The following PITPNA variants were observed in gnomAD, a reference collection of about 807,000 sequenced individuals.
PITPNA encodes the protein phosphatidylinositol transfer protein alpha, also known as phosphatidylinositol transfer protein alpha isoform.
A neutral mutation model predicts 50.3 loss-of-function variants in PITPNA; 13 were observed. The observed-to-expected ratio is 0.26, with a 90% CI of 0.17 to 0.41. The LOEUF (loss-of-function observed/expected upper bound fraction) is 0.41. Ranked by LOEUF, PITPNA falls within the 10% of genes least tolerant of loss-of-function variation. The pLI is 1.00. For synonymous variants in PITPNA, 120 were observed against 119.6 expected (o/e 1.00, Z -0.02); for missense variants, 207 against 333.4 (o/e 0.62, Z 2.95).
intron 7 of PITPNA, among the ~76,000 whole-genome samples, chr17:1,536,525 G>C (rs942415410): frequency 6.6e-6 from 1 of 151,640 alleles, no homozygotes; most frequent in Non-Finnish European, 1.5e-5. Flanking sequence ...TCCTGACCTC[G>C]TGATCCGCCC....
intron 4 of PITPNA, among the ~76,000 whole-genome samples, chr17:1,545,841 A>G (rs547321141): frequency 1.7e-4 from 25 of 150,430 alleles, no homozygotes; most frequent in African/African-American, 6.1e-4. Context: ...ACACATGCTC[A>G]CTGCGACTCT....
chr17:1,559,677 A>G (rs917090065), intron 1 of PITPNA: 1 of 668,434 alleles, frequency 1.5e-6, no homozygotes, highest in Admixed American at 6.3e-5. Context: ...GCTCCAGGCT[A>G]GTAAACAGCT....
chr17:1,560,797 C>T (rs1377062797), intron 1 of PITPNA, among the ~76,000 whole-genome samples: 1 of 152,210 alleles, frequency 6.6e-6, no homozygotes, highest in African/African-American at 2.4e-5. Context: ...CGAGCCCTGG[C>T]TGAATTAACA....
rs535200110 is a variant in PITPNA at position 1,541,690 on chromosome 17, A to G, written c.298-50T>C. 3.7e-4 allele frequency: 440 copies of G among 1,185,750 alleles called. 13 individuals carry two copies. In the South Asian group the frequency reaches 5.4e-3, roughly 15 times the overall value. 73.5% of individuals were successfully genotyped at this position (1,185,750 alleles called of 1,614,324 possible). ...GAAAGTCACTAGGTTCACAGTTGAG[A>G]GTAACCATCTCCCATTACTGGAGAT... On this transcript the variant is annotated intron_variant, in intron 5 of 11. Transcript: ENST00000313486.
intron 9 of PITPNA, among the ~76,000 whole-genome samples, chr17:1,534,732 G>GA (rs2075604394): frequency 6.6e-6 from 1 of 152,204 alleles, no homozygotes; most frequent in African/African-American, 2.4e-5. Context: ...TGCAAGAAAA[G>GA]AAAGACTGAG....
intron 10 of PITPNA, among the ~76,000 whole-genome samples, chr17:1,525,647 T>C (rs2075543320): frequency 6.6e-6 from 1 of 151,668 alleles, no homozygotes; most frequent in Non-Finnish European, 1.5e-5. Context: ...AACTCCCGAG[T>C]AGCTGGGATT....
chr17:1,562,513 C>A lies in PITPNA; in HGVS notation c.20+28G>T. On this transcript the variant is annotated intron_variant, in intron 1 of 11. Coordinates refer to ENST00000313486, the MANE Select transcript of PITPNA (RefSeq NM_006224.4). This position sits in a 1 kb window ranked among gnomAD's most constrained non-coding sequence, Gnocchi z 6.4. ...GGCCGTCCCCACCCTCCCTCCTCCC[C>A]GCTTCCGCACGGCCGCCGGACACTC... 2 of 1,429,762 alleles carry A rather than the reference C, an allele frequency of 1.4e-6. No homozygotes were observed. Among genetic ancestry groups the A allele is most frequent in the South Asian group, 1.4e-5 (1 of 70,718 alleles). The allele number at this position is 1,429,762 out of a possible 1,614,324, so 88.6% of individuals were successfully genotyped here. A position where few individuals can be genotyped will look rare whatever the true frequency, so the allele number is the denominator to read the frequency against.
rs1011164313 is a variant in PITPNA at position 1,562,112 on chromosome 17, AC to A, written c.20+428del. Among the ~76,000 whole-genome samples, 97 of 150,884 alleles carry A rather than the reference AC, an allele frequency of 6.4e-4. 1 individual carries two copies. Among genetic ancestry groups the A allele is most frequent in the Non-Finnish European group, 5.9e-5 (4 of 67,646 alleles). ...TCCCGGGCCAGCTCTCCCTGCCCTG[AC>A]CCCGTCTCGGGCCTGGCCTCGCCCT... On this transcript the variant is annotated intron_variant, in intron 1 of 11. Coordinates refer to ENST00000313486, the MANE Select transcript of PITPNA (RefSeq NM_006224.4). This position sits in a 1 kb window ranked among gnomAD's most constrained non-coding sequence, Gnocchi z 6.4.
At chr17:1,538,767 A>C in intron 7 of PITPNA, 102 bp downstream of exon 7, 1 of 685,808 alleles carries the variant, frequency 1.5e-6, no homozygotes. Flanking sequence ...ACACATCAGA[A>C]TTTCCTTTTG....
intron 1 of PITPNA, among the ~76,000 whole-genome samples, chr17:1,560,723 T>A (rs2075763899): frequency 6.6e-6 from 1 of 152,166 alleles, no homozygotes; most frequent in Non-Finnish European, 1.5e-5. Flanking sequence ...AAGATTAAAA[T>A]CTAAAGTGCA....
chr17:1,551,835 C>T lies in PITPNA; in HGVS notation c.197+1169G>A, dbSNP rs556211760. On this transcript the variant is annotated intron_variant, in intron 3 of 11. Coordinates refer to ENST00000313486, the MANE Select transcript of PITPNA (RefSeq NM_006224.4). ...CCCCGCTGGACAGCACTGCTCTCCT[C>T]GCACCCCGGCACTGAGGTCCTGGAC... Among the ~76,000 whole-genome samples the T allele has an allele frequency of 8.4e-4, 128 of 152,238 alleles. No homozygotes were observed. The Middle Eastern group carries it at 0.01, about 12-fold the overall frequency.
intron 10 of PITPNA, among the ~76,000 whole-genome samples, chr17:1,529,793 T>G (rs2075570382): frequency 6.6e-6 from 1 of 150,718 alleles, no homozygotes; most frequent in Non-Finnish European, 1.5e-5. Flanking sequence ...AGTTGGAGGT[T>G]GCAATGAGCC....
At chr17:1,535,808 A>G (rs1010268814) in intron 7 of PITPNA, 8 of 396,222 alleles carry the variant, frequency 2.0e-5, no homozygotes, top group Non-Finnish European at 3.2e-5. Flanking sequence ...GAGACTTTCA[A>G]CCTGGGGTGA....
At chr17:1,555,522 A>G (rs1454334107) in intron 2 of PITPNA, among the ~76,000 whole-genome samples, 1 of 152,126 alleles carries the variant, frequency 6.6e-6, no homozygotes, top group African/African-American at 2.4e-5. Flanking sequence ...CAGGACTGGG[A>G]ATCTAGCCTC....
intron 6 of PITPNA, 85 bp downstream of exon 6, chr17:1,541,481 G>A: frequency 1.0e-6 from 1 of 958,030 alleles, no homozygotes; most frequent in South Asian, 1.3e-5. Context: ...GAGGACCACA[G>A]AGAGGACCCC....
At chr17:1,556,903 G>A (rs1343186749) in intron 2 of PITPNA, among the ~76,000 whole-genome samples, 1 of 151,960 alleles carries the variant, frequency 6.6e-6, no homozygotes, top group African/African-American at 2.4e-5. Flanking sequence ...AGACCAGCGT[G>A]GACAACAGAG....
chr17:1,555,565 G>A (rs529156377), intron 2 of PITPNA, among the ~76,000 whole-genome samples: 111 of 152,188 alleles, frequency 7.3e-4, no homozygotes, highest in Non-Finnish European at 1.4e-3. Flanking sequence ...TTGCTCTTGA[G>A]ATCTGTTCAC....
In PITPNA at chr17:1,518,598, G is replaced by A. The variant is rs1015236614; in HGVS notation, c.*1963C>T. 1 of 152,584 alleles carries A rather than the reference G, an allele frequency of 6.6e-6. No individual in the cohort carries two copies. Among genetic ancestry groups the A allele is most frequent in the African/African-American group, 2.4e-5 (1 of 41,428 alleles). The allele number at this position is 152,584 out of a possible 1,614,324, so 9.5% of individuals were successfully genotyped here. A position where few individuals can be genotyped will look rare whatever the true frequency, so the allele number is the denominator to read the frequency against. ...ACTGGGGCAACAGGTGGAGGTGGGA[G>A]GAGCCCTTGTTAGGGCTAAAGTGAT... On this transcript the variant is annotated 3_prime_UTR_variant, in exon 12 of 12. Transcript: ENST00000313486.
chr17:1,545,143 C>G (rs1316897237), intron 4 of PITPNA, among the ~76,000 whole-genome samples: 1 of 152,208 alleles, frequency 6.6e-6, no homozygotes, highest in Non-Finnish European at 1.5e-5. Context: ...CAACTCCTAT[C>G]TTACCCTCTC....
Sources: allele counts gnomAD v4.1 joint callset (sites outside exome capture counted in the v4.1 genomes callset), GRCh38; gene constraint gnomAD v4.1.1; non-coding constraint Gnocchi (gnomAD v3.1); transcripts MANE v1.5; gene names NCBI Gene and HGNC (gene_info 2026-07-23, HGNC 2026-07-21).